Variants in CTNNA3 observed in about 807,000 individuals in gnomAD.
The protein encoded by CTNNA3 is catenin alpha 3, also known as catenin alpha-3.
CTNNA3 carries 76 observed loss-of-function variants against 95.7 expected under a neutral mutation model. That is an observed-to-expected ratio of 0.79 (90% CI 0.66 to 0.96). CTNNA3 has a LOEUF of 0.96. Among genes scored for constraint, CTNNA3 ranks in the 40% least tolerant of loss-of-function variants. The pLI is 0.00. For missense variants in CTNNA3, 1,191 were observed against 1,089.8 expected (o/e 1.09, Z -1.31); for synonymous variants, 431 against 374.4 (o/e 1.15, Z -1.74).
chr10:66,022,414 T>G (rs2079237625), intron 15 of CTNNA3, among the ~76,000 whole-genome samples: 1 of 152,176 alleles, frequency 6.6e-6, no homozygotes, highest in African/African-American at 2.4e-5. Flanking sequence ...GGCAATTCCA[T>G]TCATGATTCT....
At chr10:66,423,621 G>T (rs1030816530) in intron 11 of CTNNA3, among the ~76,000 whole-genome samples, 13 of 152,086 alleles carry the variant, frequency 8.5e-5, no homozygotes, top group Non-Finnish European at 1.9e-4. Flanking sequence ...TCTGCCCAGA[G>T]AGATGTTTAG....
rs1846336539 is a variant in CTNNA3, at chr10:67,437,330, G to C, written c.579+84512C>G. On this transcript the variant is annotated intron_variant, in intron 5 of 17. Transcript: ENST00000433211. Reference sequence around the variant, plus strand: ...CTTTGGGGACCTGAGAGGAAGACTGGGAGTGGGGTGAGGGATAAAATACTA... The same window carrying C: ...CTTTGGGGACCTGAGAGGAAGACTGCGAGTGGGGTGAGGGATAAAATACTA... Among the ~76,000 whole-genome samples the C allele has an allele frequency of 2.0e-5, 3 of 152,150 alleles. No homozygotes were observed. The South Asian group carries it at 6.2e-4, about 32-fold the overall frequency.
At chr10:67,680,684 T>C (rs1327748125) in intron 1 of CTNNA3, among the ~76,000 whole-genome samples, 1 of 152,228 alleles carries the variant, frequency 6.6e-6, no homozygotes, top group South Asian at 2.1e-4. Context: ...TCAAAAACCC[T>C]GGCTAAGGTA....
intron 11 of CTNNA3, among the ~76,000 whole-genome samples, chr10:66,511,809 T>G (rs1466570823): frequency 6.6e-6 from 1 of 151,984 alleles, no homozygotes; most frequent in Non-Finnish European, 1.5e-5. Context: ...ATGTTCCATC[T>G]GCTGATGAGA....
At chr10:66,063,696 C>T (rs1320044463) in intron 15 of CTNNA3, among the ~76,000 whole-genome samples, 1 of 151,580 alleles carries the variant, frequency 6.6e-6, no homozygotes, top group Non-Finnish European at 1.5e-5. Flanking sequence ...TTATATTTAC[C>T]CTAAATTTTC....
intron 1 of CTNNA3, among the ~76,000 whole-genome samples, chr10:67,750,019 A>C (rs1368051858): frequency 6.6e-6 from 1 of 152,182 alleles, no homozygotes; most frequent in African/African-American, 2.4e-5. Flanking sequence ...CCACCTTTTA[A>C]GAGCTGTAAC....
chr10:67,212,304 A>G (rs1008932281), intron 6 of CTNNA3, among the ~76,000 whole-genome samples: 89 of 152,048 alleles, frequency 5.9e-4, no homozygotes, highest in Middle Eastern at 6.8e-3. Flanking sequence ...TCCACTCCTC[A>G]ATATTGCATA....
At chr10:65,944,212 C>A (rs565607070) in intron 17 of CTNNA3, among the ~76,000 whole-genome samples, 12 of 152,194 alleles carry the variant, frequency 7.9e-5, no homozygotes, top group African/African-American at 1.2e-4. Context: ...CAAATAGTCC[C>A]AATATTTGCA....
chr10:66,441,084 A>T (rs1398174271), intron 11 of CTNNA3, among the ~76,000 whole-genome samples: 2 of 152,166 alleles, frequency 1.3e-5, no homozygotes, highest in Non-Finnish European at 2.9e-5. Flanking sequence ...CTGTAGTCTC[A>T]ACACCTGGGA....
intron 1 of CTNNA3, among the ~76,000 whole-genome samples, chr10:67,680,097 G>A (rs1208980598): frequency 6.6e-6 from 1 of 152,128 alleles, no homozygotes; most frequent in Non-Finnish European, 1.5e-5. Flanking sequence ...GTAACAGTAG[G>A]AGAGATATTA....
intron 7 of CTNNA3, among the ~76,000 whole-genome samples, chr10:67,011,610 T>G (rs534246158): frequency 6.3e-4 from 96 of 152,236 alleles, no homozygotes; most frequent in African/African-American, 2.3e-3. Flanking sequence ...CCCTAAAATT[T>G]TTAGTAGAAT....
chr10:66,336,734 A>G (rs2092401009), intron 12 of CTNNA3, among the ~76,000 whole-genome samples: 2 of 152,124 alleles, frequency 1.3e-5, no homozygotes, highest in African/African-American at 4.8e-5. Context: ...TTCACACTGA[A>G]TATAGTGCTG....
chr10:67,695,608 A>T (rs2133597048), intron 1 of CTNNA3, among the ~76,000 whole-genome samples: 1 of 152,336 alleles, frequency 6.6e-6, no homozygotes, highest in South Asian at 2.1e-4. Flanking sequence ...TTTGGTTGAA[A>T]GTAAAATCCC....
chr10:66,831,112 T>G (rs1367447908), intron 7 of CTNNA3, among the ~76,000 whole-genome samples: 1 of 152,178 alleles, frequency 6.6e-6, no homozygotes, highest in Non-Finnish European at 1.5e-5. Flanking sequence ...ATCATCCTCT[T>G]TCACCTGGAC....
chr10:66,699,151 A>G (rs890566237), intron 9 of CTNNA3, among the ~76,000 whole-genome samples: 1 of 152,166 alleles, frequency 6.6e-6, no homozygotes, highest in African/African-American at 2.4e-5. Flanking sequence ...CATATCTTGT[A>G]TATTGTGGCT....
intron 7 of CTNNA3, among the ~76,000 whole-genome samples, chr10:66,833,390 CATAATTGCACTGACTACGTGCAAATCCTT>C (rs1446604455): frequency 2.0e-5 from 3 of 152,166 alleles, no homozygotes. Flanking sequence ...CTATAATAAG[CATAATTGCACTGACTACGTGCAAATCCTT>C]ATAGAATAAG....
chr10:66,873,107 C>T (rs1844477786), intron 7 of CTNNA3, among the ~76,000 whole-genome samples: 1 of 152,122 alleles, frequency 6.6e-6, no homozygotes, highest in African/African-American at 2.4e-5. Context: ...GGATGCACAC[C>T]TAGGTTGATT....
intron 5 of CTNNA3, among the ~76,000 whole-genome samples, chr10:67,339,439 G>A (rs1313077574): frequency 6.6e-6 from 1 of 151,990 alleles, no homozygotes; most frequent in Non-Finnish European, 1.5e-5. Flanking sequence ...GGATATACAC[G>A]ATATATCCTA....
chr10:66,281,049 G>T (rs989757764), intron 12 of CTNNA3, among the ~76,000 whole-genome samples: 6 of 151,790 alleles, frequency 4.0e-5, no homozygotes, highest in African/African-American at 1.4e-4. Flanking sequence ...AAGAAAGAAA[G>T]CAATTGAGTT....
Sources: gnomAD v4.1 joint callset for allele counts (sites outside exome capture counted in the v4.1 genomes callset) on GRCh38, gnomAD v4.1.1 for gene constraint, MANE v1.5 for transcripts, NCBI Gene and HGNC (gene_info 2026-07-23, HGNC 2026-07-21) for gene names.